Variants in CLN6 observed in about 807,000 individuals in gnomAD.
The protein encoded by CLN6 is ceroid-lipofuscinosis neuronal protein 6.
CLN6 carries 22 observed loss-of-function variants against 33.3 expected under a neutral mutation model. The observed-to-expected ratio is 0.66, with a 90% CI of 0.47 to 0.94. CLN6 has a LOEUF of 0.94. CLN6 is among the 40% of genes least tolerant of loss of function. The pLI, the probability that CLN6 is intolerant of heterozygous loss-of-function variation, is 0.00. For synonymous variants in CLN6, 201 were observed against 174.6 expected (o/e 1.15, Z -1.19); for missense variants, 387 against 417.1 (o/e 0.93, Z 0.63).
rs1207138287 is a variant in CLN6 at position 68,241,366 on chromosome 15, T to G, written c.179+15324A>C. The stretch of plus-strand genomic sequence containing the variant: ...GAGTCATAGAGAAGTGAAAAAGCTC[T>G]GAGCAGTCAGTAAGATAAATGGATT... On this transcript the variant is annotated intron_variant, in intron 1 of 6. Transcript: ENST00000538696. This position sits in a 1 kb window ranked among gnomAD's most constrained non-coding sequence, Gnocchi z 4.2. Among the ~76,000 whole-genome samples the G allele has an allele frequency of 6.6e-6, 1 of 152,046 alleles. No homozygotes were observed. The highest frequency in any genetic ancestry group is 2.4e-5 in the African/African-American group (1 of 41,458).
chr15:68,212,010 G>T, intron 3 of CLN6, 147 bp from the exon 4 acceptor site: 1 of 771,250 alleles, frequency 1.3e-6, no homozygotes, highest in Non-Finnish European at 2.1e-6. Context: ...TAGCAGGCCA[G>T]CCCAGCCTCC....
At chr15:68,252,413 A>T (rs193202976) in intron 1 of CLN6, among the ~76,000 whole-genome samples, 131 of 152,374 alleles carry the variant, frequency 8.6e-4, no homozygotes, top group Admixed American at 2.4e-3. Flanking sequence ...AATCAGGTAA[A>T]TATAAATAAA....
At chr15:68,224,838 T>C (rs968167380) in intron 1 of CLN6, among the ~76,000 whole-genome samples, 2 of 152,016 alleles carry the variant, frequency 1.3e-5, no homozygotes, top group African/African-American at 4.8e-5. Flanking sequence ...CACTAGCAAA[T>C]GCTGCTGAAA....
rs1231950382 is a variant in CLN6 at position 68,211,138 on chromosome 15, G to C, written c.542+125C>G. 5 of 854,994 alleles carry C rather than the reference G, an allele frequency of 5.8e-6. No homozygotes were observed. Among genetic ancestry groups the C allele is most frequent in the Non-Finnish European group, 1.0e-5 (5 of 492,512 alleles). The allele number at this position is 854,994 out of a possible 1,614,324, so 53.0% of individuals were successfully genotyped here. On this transcript the variant is annotated intron_variant, in intron 5 of 6. Transcript: ENST00000249806. The surrounding 1 kb of genome is among the most constrained non-coding windows in gnomAD (Gnocchi z 5.9). ...AGGTTGAGCTCACAGTGCCTTTACA[G>C]GGGATGAGACTCAACACATGGAGAC...
intron 1 of CLN6, among the ~76,000 whole-genome samples, chr15:68,245,514 C>G (rs1247493822): frequency 6.6e-6 from 1 of 151,938 alleles, no homozygotes; most frequent in Non-Finnish European, 1.5e-5. Context: ...TGCAGTGAGC[C>G]ATGATTGCAC....
At chr15:68,229,985 G>T (rs541664070), upstream of CLN6, among the ~76,000 whole-genome samples, 12 of 152,318 alleles carry the variant, frequency 7.9e-5, no homozygotes, top group South Asian at 2.1e-3. Context: ...GGGCTGGGGC[G>T]GGGTAGCGAC....
chr15:68,211,179 C>G lies in CLN6; in HGVS notation c.542+84G>C, dbSNP rs2093203807. ...ACATGGAGACCCGCAGCCCAGACAG[C>G]CTTGCTCAGTGTGTCCCTGAGCCAG... On this transcript the variant is annotated intron_variant, in intron 5 of 6. Transcript: ENST00000249806. The surrounding 1 kb of genome is among the most constrained non-coding windows in gnomAD (Gnocchi z 5.9). The G allele has an allele frequency of 5.1e-6, 6 of 1,170,518 alleles. No individual in the cohort carries two copies. In the South Asian group the frequency reaches 6.1e-5, roughly 12 times the overall value. The allele number at this position is 1,170,518 out of a possible 1,614,324, so 72.5% of individuals were successfully genotyped here.
chr15:68,211,659 C>T lies in CLN6; in HGVS notation c.486+16G>A. On this transcript the variant is annotated intron_variant, in intron 4 of 6. Coordinates refer to ENST00000249806, the MANE Select transcript of CLN6 (RefSeq NM_017882.3). The surrounding 1 kb of genome is among the most constrained non-coding windows in gnomAD (Gnocchi z 5.9). ...GCTCCTAGGGCTTACAGGCAGGGAG[C>T]AGGAGGTGGCCTCACCAGCGTCTCC... 1 of 1,612,904 alleles carries T rather than the reference C, an allele frequency of 6.2e-7. No individual in the cohort carries two copies. Among genetic ancestry groups the T allele is most frequent in the Non-Finnish European group, 8.5e-7 (1 of 1,179,984 alleles).
At position 68,208,397 on chromosome 15, in the gene CLN6, C is replaced by G; in HGVS notation, c.679G>C (p.Glu227Gln). 1 of 1,612,872 alleles carries G rather than the reference C, an allele frequency of 6.2e-7. No individual in the cohort carries two copies. Among genetic ancestry groups the G allele is most frequent in the Non-Finnish European group, 8.5e-7 (1 of 1,180,008 alleles). ...SGLYYWYLVT[E>Q]GQIFILFIFT... Reference sequence around the variant, plus strand: ...ATGAAGAGGATGAAGATCTGGCCCTCGGTGACCAGGTACCTGGAAAGGCCA... The same window carrying G: ...ATGAAGAGGATGAAGATCTGGCCCTGGGTGACCAGGTACCTGGAAAGGCCA... Residue 227 changes from glutamate to glutamine, a missense_variant, in exon 7 of 7, where the codon GAG becomes CAG. Coordinates refer to ENST00000249806, the MANE Select transcript of CLN6 (RefSeq NM_017882.3). The surrounding 1 kb of genome is among the most constrained non-coding windows in gnomAD (Gnocchi z 5.8).
chr15:68,229,630 C>T lies in CLN6; in HGVS notation c.-46G>A. 2 of 1,388,790 alleles carry T rather than the reference C, an allele frequency of 1.4e-6. No homozygotes were observed. The highest frequency in any genetic ancestry group is 1.9e-6 in the Non-Finnish European group (2 of 1,061,778). 86.0% of individuals were successfully genotyped at this position (1,388,790 alleles called of 1,614,324 possible). A position where few individuals can be genotyped will look rare whatever the true frequency, so the allele number is the denominator to read the frequency against. ...GGCCCTGCCTTTCCGAGGAAGAGAC[C>T]GGTTCAGCTCGGCTGCCCCGGCGGA... On this transcript the variant is annotated 5_prime_UTR_variant, in exon 1 of 7. Coordinates refer to ENST00000249806, the MANE Select transcript of CLN6 (RefSeq NM_017882.3).
At chr15:68,254,388 C>CGTA (rs1357983231) in intron 1 of CLN6, among the ~76,000 whole-genome samples, 1 of 152,136 alleles carries the variant, frequency 6.6e-6, no homozygotes. Context: ...TGTCTGCTAC[C>CGTA]ATAGCACTAG....
chr15:68,240,998 C>CAAAAAAAAAAAAAAAAAAAAAAA, intron 1 of CLN6, among the ~76,000 whole-genome samples: 1 of 124,692 alleles, frequency 8.0e-6, no homozygotes, highest in Non-Finnish European at 1.7e-5. Flanking sequence ...AAAAAAAAAA[C>CAAAAAAAAAAAAAAAAAAAAAAA]AAAAAAAAAA....
rs3837692 is a variant in CLN6, at chr15:68,207,979, G to GACACACACACAC, written c.*149_*160dup. On this transcript the variant is annotated 3_prime_UTR_variant, in exon 7 of 7. Coordinates refer to ENST00000249806, the MANE Select transcript of CLN6 (RefSeq NM_017882.3). Reference sequence around the variant, plus strand: ...ATGCACTCTGCGCACACATATACAAGACACACACACACACACACACGAATC... The same window carrying GACACACACACAC: ...ATGCACTCTGCGCACACATATACAAGACACACACACACACACACACACACACACACACGAATC... 2 of 631,180 alleles carry GACACACACACAC rather than the reference G, an allele frequency of 3.2e-6. No individual in the cohort carries two copies. The highest frequency in any genetic ancestry group is 5.6e-6 in the Non-Finnish European group (2 of 357,666). The allele number at this position is 631,180 out of a possible 1,614,324, so 39.1% of individuals were successfully genotyped here. A position where few individuals can be genotyped will look rare whatever the true frequency, so the allele number is the denominator to read the frequency against.
chr15:68,235,622 ATATATATATATC>A (rs924655247), intron 1 of CLN6, among the ~76,000 whole-genome samples: 4 of 70,686 alleles, frequency 5.7e-5, no homozygotes, highest in African/African-American at 1.6e-4. Context: ...ATATATATAT[ATATATATATATC>A]GATTAATCGA....
upstream of CLN6, chr15:68,257,204 C>T (rs895571781): frequency 9.5e-5 from 21 of 221,974 alleles, no homozygotes; most frequent in African/African-American, 3.9e-4. Context: ...TTGCGCCAGC[C>T]CCAGAGTACC....
chr15:68,218,308 T>C (rs2093226134), intron 2 of CLN6: 8 of 469,258 alleles, frequency 1.7e-5, no homozygotes, highest in South Asian at 1.6e-4. Context: ...GGACCACCAG[T>C]TCCCCCATGA....
chr15:68,253,551 A>T (rs982353787), intron 1 of CLN6, among the ~76,000 whole-genome samples: 1 of 152,236 alleles, frequency 6.6e-6, no homozygotes, highest in Non-Finnish European at 1.5e-5. Context: ...CACCACTAGC[A>T]TTAGAACCAC....
intron 1 of CLN6, chr15:68,254,611 C>T (rs1456086099): frequency 4.6e-5 from 28 of 612,714 alleles, no homozygotes; most frequent in East Asian, 2.3e-4. Flanking sequence ...GCCTATGTCC[C>T]GCCGCCGTTG....
In CLN6 at chr15:68,209,777, G is replaced by A. The variant is rs1274191758; in HGVS notation, c.543-18C>T. On this transcript the variant is annotated intron_variant, in intron 5 of 6. Coordinates refer to ENST00000249806, the MANE Select transcript of CLN6 (RefSeq NM_017882.3). The surrounding 1 kb of genome is among the most constrained non-coding windows in gnomAD (Gnocchi z 4.9). ...GGATGTACCTGTGACAGGAAGGCCA[G>A]TGTCTTAGAGGCCTGCTCAGCGGCC... The A allele has an allele frequency of 6.2e-7, 1 of 1,612,292 alleles. No individual in the cohort carries two copies. The highest frequency in any genetic ancestry group is 1.1e-5 in the South Asian group (1 of 90,930).
Sources: gnomAD v4.1 joint callset for allele counts (sites outside exome capture counted in the v4.1 genomes callset) on GRCh38, gnomAD v4.1.1 for gene constraint, Gnocchi (gnomAD v3.1) non-coding constraint, MANE v1.5 for transcripts, NCBI Gene and HGNC (gene_info 2026-07-23, HGNC 2026-07-21) for gene names.